SOX6: variants seen among roughly 807,000 people sequenced by gnomAD.
SOX6 encodes SRY-box transcription factor 6, also known as transcription factor SOX-6.
In SOX6, 11 loss-of-function variants were observed where a neutral mutation model predicts 97.8. The observed-to-expected ratio is 0.11, with a 90% CI of 0.07 to 0.19. SOX6 has a LOEUF of 0.19. Ranked by LOEUF, SOX6 falls within the 10% of genes least tolerant of loss-of-function variation. The probability of loss-of-function intolerance (pLI) is 1.00; values close to 1 mark genes in which losing one functional copy is unlikely to be tolerated. For missense variants in SOX6, 810 were observed against 1,039.5 expected, an observed-to-expected ratio of 0.78 and a Z score of 3.04; for synonymous variants, 360 against 371.4, an observed-to-expected ratio of 0.97 and a Z score of 0.35.
chr11:16,388,713 T>C (rs1436431338), intron 1 of SOX6, among the ~76,000 whole-genome samples: 2 of 152,154 alleles, frequency 1.3e-5, no homozygotes, highest in Admixed American at 6.5e-5. Flanking sequence ...TTTATAGTGA[T>C]AATTCCTCTT....
chr11:16,514,205 G>A (rs1469291332), intron 4 of SOX6, among the ~76,000 whole-genome samples: 1 of 133,084 alleles, frequency 7.5e-6, no homozygotes, highest in Non-Finnish European at 1.6e-5. Context: ...AACAGCGCAA[G>A]TCCCTGGCTC....
chr11:16,395,222 G>A (rs1203178965), intron 1 of SOX6, among the ~76,000 whole-genome samples: 1 of 151,720 alleles, frequency 6.6e-6, no homozygotes, highest in Admixed American at 6.6e-5. Context: ...AGAACAAAAT[G>A]GGCCAGTCCG....
rs543322740 is a variant in SOX6, at chr11:15,989,432, A to G, written c.1733-202T>C. 4.6e-4 allele frequency among the ~76,000 whole-genome samples: 70 copies of G among 152,224 alleles called. 1 individual carries two copies. The highest frequency in any genetic ancestry group is 1.6e-3 in the African/African-American group (66 of 41,536). ...GCCCTCAAAGACACACTAAGAATTA[A>G]TTTTGTGTGTGTTTTATACACCCTA... On this transcript the variant is annotated intron_variant, in intron 13 of 15. Coordinates refer to ENST00000683767, the MANE Select transcript of SOX6 (RefSeq NM_001367873.1).
At chr11:16,227,027 G>T (rs963802436) in intron 4 of SOX6, among the ~76,000 whole-genome samples, 2 of 151,994 alleles carry the variant, frequency 1.3e-5, no homozygotes, top group Admixed American at 6.6e-5. Flanking sequence ...CTTTCTGAGC[G>T]ACCCTGAACA....
intron 6 of SOX6, among the ~76,000 whole-genome samples, chr11:16,158,757 A>T (rs1003226518): frequency 1.3e-5 from 2 of 151,996 alleles, no homozygotes; most frequent in African/African-American, 4.8e-5. Context: ...GAACTGACTC[A>T]TCATTATTAT....
chr11:16,454,944 A>T (rs1859786643), intron 1 of SOX6, among the ~76,000 whole-genome samples: 1 of 151,978 alleles, frequency 6.6e-6, no homozygotes, highest in South Asian at 2.1e-4. Context: ...TTTTCCCTTT[A>T]ATTCTGATCT....
intron 4 of SOX6, among the ~76,000 whole-genome samples, chr11:16,509,099 C>A (rs1214329284): frequency 6.6e-6 from 1 of 151,936 alleles, no homozygotes; most frequent in Non-Finnish European, 1.5e-5. Context: ...AGGAAATAAA[C>A]AGGAGACCTG....
chr11:16,542,135 TA>T, intron 4 of SOX6, among the ~76,000 whole-genome samples: 1 of 152,184 alleles, frequency 6.6e-6, no homozygotes, highest in Non-Finnish European at 1.5e-5. Flanking sequence ...TACGCAGCCA[TA>T]AAAAATGATG....
chr11:16,034,593 A>G (rs905976861), intron 12 of SOX6, among the ~76,000 whole-genome samples: 2 of 152,222 alleles, frequency 1.3e-5, no homozygotes, highest in African/African-American at 4.8e-5. Flanking sequence ...AAGTTTTCAC[A>G]TATACTCTCT....
At chr11:16,360,741 C>T (rs756812778), upstream of SOX6, among the ~76,000 whole-genome samples, 21 of 152,258 alleles carry the variant, frequency 1.4e-4, no homozygotes, top group Admixed American at 4.6e-4. Flanking sequence ...CAGTGGCTCA[C>T]GCCTGTAATC....
At chr11:16,675,287 C>A (rs1244565585) in intron 3 of SOX6, among the ~76,000 whole-genome samples, 1 of 152,160 alleles carries the variant, frequency 6.6e-6, no homozygotes, top group African/African-American at 2.4e-5. Flanking sequence ...GTAGCTGGGA[C>A]TACAGGCATG....
chr11:16,646,171 C>T (rs1439686011), intron 3 of SOX6: 1 of 152,110 alleles, frequency 6.6e-6, no homozygotes, highest in Non-Finnish European at 1.5e-5. Flanking sequence ...GAGTTCAAGA[C>T]AAATCACACA....
intron 3 of SOX6, chr11:16,612,264 A>AG (rs1848407330): frequency 1.1e-3 from 1 of 926 alleles, no homozygotes; most frequent in Non-Finnish European, 0.011. Flanking sequence ...TTTGTTCCTG[A>AG]AAAAAAAAAA....
At chr11:16,714,074 G>C (rs996654887) in intron 3 of SOX6, among the ~76,000 whole-genome samples, 17 of 152,106 alleles carry the variant, frequency 1.1e-4, no homozygotes, top group African/African-American at 3.1e-4. Context: ...ATATTCCAAA[G>C]AATTCTACAT....
chr11:16,260,984 C>G (rs1309316466), intron 3 of SOX6, among the ~76,000 whole-genome samples: 1 of 152,154 alleles, frequency 6.6e-6, no homozygotes, highest in Non-Finnish European at 1.5e-5. Context: ...CATACTCCTC[C>G]CTCTGTCTGA....
chr11:16,413,819 C>T (rs756737620), intron 1 of SOX6, among the ~76,000 whole-genome samples: 3 of 151,988 alleles, frequency 2.0e-5, no homozygotes, highest in Admixed American at 6.5e-5. Context: ...CGCGCCCGGC[C>T]GAGTTCTACA....
chr11:15,978,981 T>C (rs1853581992), intron 15 of SOX6, among the ~76,000 whole-genome samples: 1 of 114,432 alleles, frequency 8.7e-6, no homozygotes, highest in South Asian at 2.6e-4. Flanking sequence ...TATGAGCATA[T>C]ATATAAGCAT....
At chr11:16,335,075 G>A (rs536712409) in intron 2 of SOX6, among the ~76,000 whole-genome samples, 266 of 152,200 alleles carry the variant, frequency 1.7e-3, no homozygotes, top group South Asian at 5.2e-3. Context: ...GCAATAAAAT[G>A]TTTTATTTTT....
chr11:16,364,604 C>T (rs994794215), intron 1 of SOX6, among the ~76,000 whole-genome samples: 2 of 151,860 alleles, frequency 1.3e-5, no homozygotes, highest in Non-Finnish European at 2.9e-5. Flanking sequence ...TAATATTTAC[C>T]CTGATTACCT....
Sources: allele counts gnomAD v4.1 joint callset (sites outside exome capture counted in the v4.1 genomes callset), GRCh38; gene constraint gnomAD v4.1.1; transcripts MANE v1.5; gene names NCBI Gene and HGNC (gene_info 2026-07-23, HGNC 2026-07-21).